NKAIN2: variants seen among roughly 807,000 people sequenced by gnomAD.
NKAIN2 encodes sodium/potassium-transporting ATPase subunit beta-1-interacting protein 2.
A neutral mutation model predicts 32.6 loss-of-function variants in NKAIN2; 14 were observed. That is an observed-to-expected ratio of 0.43 (90% CI 0.28 to 0.67). The LOEUF is 0.67. Ranked by LOEUF, NKAIN2 falls within the 30% of genes least tolerant of loss-of-function variation. The probability of loss-of-function intolerance (pLI) is 0.17; values close to 1 mark genes in which losing one functional copy is unlikely to be tolerated. For synonymous variants in NKAIN2, 80 were observed against 87.2 expected (o/e 0.92, Z 0.46); for missense variants, 198 against 258.3 (o/e 0.77, Z 1.60).
intron 3 of NKAIN2, among the ~76,000 whole-genome samples, chr6:124,487,042 C>A (rs1416827739): frequency 6.6e-6 from 1 of 152,022 alleles, no homozygotes; most frequent in African/African-American, 2.4e-5. Context: ...GGTGTCTCAC[C>A]CTAACCTGGG....
intron 1 of NKAIN2, among the ~76,000 whole-genome samples, chr6:124,109,823 T>C (rs988965064): frequency 3.9e-4 from 59 of 152,192 alleles, no homozygotes; most frequent in African/African-American, 1.4e-3. Flanking sequence ...GTGTTGAATT[T>C]TGCCAAATTC....
intron 1 of NKAIN2, among the ~76,000 whole-genome samples, chr6:123,998,832 G>A (rs1440312767): frequency 7.0e-6 from 1 of 143,238 alleles, no homozygotes; most frequent in East Asian, 2.0e-4. Context: ...TATATATATG[G>A]TGATGGTATC....
intron 2 of NKAIN2, among the ~76,000 whole-genome samples, chr6:124,283,845 T>A (rs1232240401): frequency 6.6e-6 from 1 of 152,194 alleles, no homozygotes; most frequent in Non-Finnish European, 1.5e-5. Context: ...TTTTTCTATT[T>A]CTTCTATTTT....
At chr6:123,872,555 A>C (rs945591215) in intron 1 of NKAIN2, among the ~76,000 whole-genome samples, 2 of 152,196 alleles carry the variant, frequency 1.3e-5, no homozygotes, top group African/African-American at 4.8e-5. Context: ...ATGATGGTTG[A>C]GGAATTTGAG....
At chr6:124,570,493 T>A (rs2114916117) in intron 3 of NKAIN2, among the ~76,000 whole-genome samples, 1 of 152,260 alleles carries the variant, frequency 6.6e-6, no homozygotes, top group Admixed American at 6.5e-5. Context: ...GTGTCTCATC[T>A]GCTCCAGCCA....
intron 1 of NKAIN2, among the ~76,000 whole-genome samples, chr6:124,237,623 C>A (rs1792846468): frequency 6.6e-6 from 1 of 152,082 alleles, no homozygotes; most frequent in African/African-American, 2.4e-5. Flanking sequence ...TTAAGAACAG[C>A]TTTCCAGTGA....
At chr6:123,905,298 G>T (rs1774810473) in intron 1 of NKAIN2, among the ~76,000 whole-genome samples, 1 of 151,974 alleles carries the variant, frequency 6.6e-6, no homozygotes, top group Non-Finnish European at 1.5e-5. Context: ...GGCCTCGGTG[G>T]GTACTGTGCA....
intron 4 of NKAIN2, among the ~76,000 whole-genome samples, chr6:124,716,528 G>A (rs1373400897): frequency 4.6e-5 from 7 of 152,092 alleles, no homozygotes; most frequent in Admixed American, 1.3e-4. Flanking sequence ...CATGAGTTTC[G>A]TGACATCCCT....
intron 1 of NKAIN2, among the ~76,000 whole-genome samples, chr6:124,198,792 CAGT>C (rs1363352431): frequency 6.6e-6 from 1 of 152,080 alleles, no homozygotes; most frequent in Non-Finnish European, 1.5e-5. Context: ...GCAGTTGAGA[CAGT>C]TTGTGTGTCC....
chr6:124,748,671 A>G (rs1283146748), intron 4 of NKAIN2, among the ~76,000 whole-genome samples: 1 of 151,934 alleles, frequency 6.6e-6, no homozygotes, highest in Admixed American at 6.6e-5. Context: ...GCGCAGATCT[A>G]TCGTCTTGTT....
intron 3 of NKAIN2, among the ~76,000 whole-genome samples, chr6:124,497,931 C>T (rs982249154): frequency 2.0e-5 from 3 of 150,456 alleles, no homozygotes; most frequent in Non-Finnish European, 4.4e-5. Flanking sequence ...GCTTTGATTT[C>T]ACACTAAGGG....
chr6:124,189,051 A>G (rs573506786), intron 1 of NKAIN2, among the ~76,000 whole-genome samples: 1 of 152,332 alleles, frequency 6.6e-6, no homozygotes, highest in South Asian at 2.1e-4. Flanking sequence ...ACTGATTTAA[A>G]TGACAGCCAC....
At chr6:123,951,912 A>G (rs796313574) in intron 1 of NKAIN2, among the ~76,000 whole-genome samples, 17 of 146,082 alleles carry the variant, frequency 1.2e-4, no homozygotes, top group African/African-American at 4.0e-4. Flanking sequence ...CCATTTTTCT[A>G]TCTGTACAGT....
chr6:124,729,940 G>T (rs1776569794), intron 4 of NKAIN2, among the ~76,000 whole-genome samples: 1 of 149,614 alleles, frequency 6.7e-6, no homozygotes, highest in Non-Finnish European at 1.5e-5. Flanking sequence ...GCCAAATCAT[G>T]AGTGAACTCC....
chr6:124,599,052 C>T (rs1405641103), intron 3 of NKAIN2, among the ~76,000 whole-genome samples: 1 of 144,700 alleles, frequency 6.9e-6, no homozygotes, highest in Non-Finnish European at 1.5e-5. Context: ...AACCTGATTT[C>T]CCACTGTAGT....
chr6:124,210,488 G>T (rs1466309149), intron 1 of NKAIN2, among the ~76,000 whole-genome samples: 1 of 151,582 alleles, frequency 6.6e-6, no homozygotes, highest in African/African-American at 2.4e-5. Flanking sequence ...TTTGGATGGG[G>T]ACTGCACTGA....
intron 3 of NKAIN2, among the ~76,000 whole-genome samples, chr6:124,371,052 T>A (rs1799738638): frequency 6.6e-6 from 1 of 152,168 alleles, no homozygotes; most frequent in Non-Finnish European, 1.5e-5. Flanking sequence ...ATGAGTCCAA[T>A]TCTTCTTGTC....
chr6:124,741,092 G>A (rs780623643), intron 4 of NKAIN2, among the ~76,000 whole-genome samples: 29 of 151,708 alleles, frequency 1.9e-4, no homozygotes, highest in Non-Finnish European at 2.2e-4. Flanking sequence ...CTCACAAATG[G>A]ACAATAGGTG....
chr6:123,977,776 A>T (rs935400448), intron 1 of NKAIN2, among the ~76,000 whole-genome samples: 34 of 152,158 alleles, frequency 2.2e-4, no homozygotes, highest in African/African-American at 8.2e-4. Flanking sequence ...TAGACTGTAC[A>T]TCCTTTGCAT....
Sources: allele counts gnomAD v4.1 joint callset (sites outside exome capture counted in the v4.1 genomes callset), GRCh38; gene constraint gnomAD v4.1.1; transcripts MANE v1.5; gene names NCBI Gene and HGNC (gene_info 2026-07-23, HGNC 2026-07-21).